The following ZNF676 variants were observed in gnomAD, a reference collection of about 807,000 sequenced individuals.
ZNF676 encodes the protein zinc finger protein 676.
Under a neutral mutation model 6.0 loss-of-function variants are expected in ZNF676, and 4 were observed. The observed-to-expected ratio is 0.67, with a 90% CI of 0.33 to 1.53. The LOEUF (loss-of-function observed/expected upper bound fraction) is 1.53. ZNF676 is among the 40% of genes most tolerant of loss of function. The pLI, the probability that ZNF676 is intolerant of heterozygous loss-of-function variation, is 0.06. For synonymous variants in ZNF676, 198 were observed against 223.1 expected (o/e 0.89, Z 1.00); for missense variants, 644 against 679.7 (o/e 0.95, Z 0.58).
the ZNF676 span, among the ~76,000 whole-genome samples, chr19:22,252,993 T>C: frequency 6.6e-6 from 1 of 152,312 alleles, no homozygotes; most frequent in African/African-American, 2.4e-5. Context: ...ACCTCCTGTA[T>C]GTTGGGTATA....
chr19:22,236,513 CCATAA>C, the ZNF676 span, among the ~76,000 whole-genome samples: 2 of 152,234 alleles, frequency 1.3e-5, no homozygotes, highest in Non-Finnish European at 2.9e-5. Context: ...CACAGTTACC[CCATAA>C]AAGGCCAGAG....
chr19:22,181,142 G>A lies in ZNF676; in HGVS notation c.575C>T (p.Thr192Ile), dbSNP rs1265371624. The stretch of plus-strand genomic sequence containing the variant: ...TTCACATTTGTAGGGTTTCTCTCCA[G>A]TATGAATACTCTTATAATAAGTAAG... ...STLTYYKSIH[T>I]GEKPYKCEEC... is the part of the protein sequence containing the mutation. The change falls in exon 3 of 3, where the codon ACT (threonine) becomes ATT (isoleucine). Residue 192 changes from threonine to isoleucine, a missense_variant. This residue lies in a region of ZNF676 where 280 missense variants were observed against 269.3 expected (regional missense o/e 1.04). Coordinates refer to ENST00000397121, the MANE Select transcript of ZNF676 (RefSeq NM_001001411.3). 6.2e-7 allele frequency: 1 copy of A among 1,613,808 alleles called. No homozygotes were observed. The highest frequency in any genetic ancestry group is 1.3e-5 in the African/African-American group (1 of 74,910).
the ZNF676 span, among the ~76,000 whole-genome samples, chr19:22,252,247 C>T: frequency 0.23 from 34,852 of 151,576 alleles, 4,255 homozygotes; most frequent in South Asian, 0.37. Context: ...ATAGAAAAAT[C>T]AGCTGGGCAT....
the ZNF676 span, chr19:22,244,144 A>T: frequency 1.3e-3 from 194 of 151,700 alleles, no homozygotes; most frequent in African/African-American, 4.4e-3. Flanking sequence ...CCCGGGTTCA[A>T]GTGATTCTCC....
At chr19:22,215,553 G>C in intron 1 of ZNF676, 1 of 1,525,198 alleles carries the variant, frequency 6.6e-7, no homozygotes, top group South Asian at 1.1e-5. Flanking sequence ...GGGTAGGCTT[G>C]AGTCCCGCCA....
At chr19:22,234,592 T>G in the ZNF676 span, among the ~76,000 whole-genome samples, 17 of 152,190 alleles carry the variant, frequency 1.1e-4, no homozygotes, top group East Asian at 2.7e-3. Context: ...GAGTTGTCTC[T>G]CAAAAGGAGA....
Position 22,191,099 on chromosome 19 carries a change from G to A in ZNF676, c.130+1917C>T, listed in dbSNP as rs112294993. On this transcript the variant is annotated intron_variant, in intron 2 of 2. Coordinates refer to ENST00000397121, the MANE Select transcript of ZNF676 (RefSeq NM_001001411.3). ...CATGGTATAGAAAGGTTGGAGAATT[G>A]CTGCAGGCCAAAACTTTAAGACCAA... is the stretch of plus-strand genomic sequence containing the variant. 5.3e-3 allele frequency among the ~76,000 whole-genome samples: 811 copies of A among 152,224 alleles called. 5 individuals carry two copies. Among genetic ancestry groups the A allele is most frequent in the African/African-American group, 0.018 (768 of 41,560 alleles).
At position 22,207,995 on chromosome 19, in the gene ZNF676, A is replaced by C. The variant is rs184983951; in HGVS notation, c.3+7637T>G. On this transcript the variant is annotated intron_variant, in intron 1 of 3. Transcript: ENST00000650058. ...ATCTTAAAAATTATAAAAAAAAAAA[A>C]AACAAAAAACCCTGGAAGATAAGAA... Among the ~76,000 whole-genome samples, 804 of 151,574 alleles carry C rather than the reference A, an allele frequency of 5.3e-3. 5 individuals carry two copies. The highest frequency in any genetic ancestry group is 0.018 in the African/African-American group (735 of 41,438).
At chr19:22,186,762 A>C (rs2023845540) in intron 2 of ZNF676, among the ~76,000 whole-genome samples, 1 of 152,238 alleles carries the variant, frequency 6.6e-6, no homozygotes, top group Non-Finnish European at 1.5e-5. Context: ...ATGTTCAGCC[A>C]ACAAAGATCA....
At chr19:22,254,505 G>C in the ZNF676 span, among the ~76,000 whole-genome samples, 1 of 152,140 alleles carries the variant, frequency 6.6e-6, no homozygotes, top group African/African-American at 2.4e-5. Flanking sequence ...GCTGGGCCCA[G>C]GGAAAACAGA....
upstream of ZNF676, among the ~76,000 whole-genome samples, chr19:22,197,399 C>T (rs1019186695): frequency 2.5e-4 from 38 of 150,434 alleles, no homozygotes; most frequent in Non-Finnish European, 3.7e-4. Flanking sequence ...ATGGAATAGA[C>T]ATGTTGAGTT....
the ZNF676 span, among the ~76,000 whole-genome samples, chr19:22,236,043 A>G: frequency 5.9e-5 from 9 of 151,436 alleles, no homozygotes; most frequent in Non-Finnish European, 1.3e-4. Context: ...CAAATGAAAG[A>G]GTTGAATGGG....
At chr19:22,235,156 GAAA>G in the ZNF676 span, among the ~76,000 whole-genome samples, 1 of 149,916 alleles carries the variant, frequency 6.7e-6, no homozygotes, top group Admixed American at 6.6e-5. Context: ...AGGAAGGAAA[GAAA>G]GAAAGAAAAA....
At chr19:22,230,964 A>C in the ZNF676 span, among the ~76,000 whole-genome samples, 1 of 152,056 alleles carries the variant, frequency 6.6e-6, no homozygotes, top group African/African-American at 2.4e-5. Context: ...GGCCAAAAAA[A>C]AAAGGGGGGA....
At chr19:22,232,296 T>A in the ZNF676 span, among the ~76,000 whole-genome samples, 1 of 151,954 alleles carries the variant, frequency 6.6e-6, no homozygotes, top group Admixed American at 6.6e-5. Context: ...GCCTCCCGAG[T>A]AGCTGGGAGA....
chr19:22,220,461 G>GTTTTT (rs58810797), upstream of ZNF676, among the ~76,000 whole-genome samples: 2,212 of 115,240 alleles, frequency 0.019, 75 homozygotes, highest in African/African-American at 0.069. Context: ...TTTGTTGGCA[G>GTTTTT]TTTTTTTTTT....
intron 2 of ZNF676, among the ~76,000 whole-genome samples, chr19:22,182,750 G>A (rs12459032): frequency 0.43 from 63,874 of 150,188 alleles, 14,337 homozygotes; most frequent in African/African-American, 0.58. Flanking sequence ...TAGGAAAGAT[G>A]CTGAAAGTAG....
At chr19:22,190,624 A>T (rs1188024387) in intron 2 of ZNF676, among the ~76,000 whole-genome samples, 2 of 87,452 alleles carry the variant, frequency 2.3e-5, no homozygotes, top group Non-Finnish European at 5.1e-5. Flanking sequence ...ATAAAATAGA[A>T]TGCAACATAT....
chr19:22,232,269 G>C, the ZNF676 span, among the ~76,000 whole-genome samples: 1 of 152,006 alleles, frequency 6.6e-6, no homozygotes, highest in Non-Finnish European at 1.5e-5. Context: ...CCAGGTTCAA[G>C]TGATTCTCCT....
Sources: allele counts gnomAD v4.1 joint callset (sites outside exome capture counted in the v4.1 genomes callset), GRCh38; gene constraint gnomAD v4.1.1; regional missense constraint gnomAD v4.1.1; transcripts MANE v1.5; gene names NCBI Gene and HGNC (gene_info 2026-07-23, HGNC 2026-07-21).